The following CTNNA1 variants were observed in gnomAD, a reference collection of about 807,000 sequenced individuals.
CTNNA1 encodes catenin alpha 1.
A neutral mutation model predicts 98.4 loss-of-function variants in CTNNA1; 37 were observed. That is an observed-to-expected ratio of 0.38 (90% confidence interval 0.29 to 0.49). The LOEUF is 0.49. Among genes scored for constraint, CTNNA1 ranks in the 20% least tolerant of loss-of-function variants. The pLI, the probability that CTNNA1 is intolerant of heterozygous loss-of-function variation, is 0.95. For synonymous variants in CTNNA1, 404 were observed against 413.2 expected, an observed-to-expected ratio of 0.98 and a Z score of 0.27; for missense variants, 761 against 1,147.2, an observed-to-expected ratio of 0.66 and a Z score of 4.86.
chr5:138,810,777 C>T (rs1386742581), intron 4 of CTNNA1, among the ~76,000 whole-genome samples: 1 of 152,244 alleles, frequency 6.6e-6, no homozygotes. Context: ...CCATTGTCAT[C>T]ATGGCCCGTT....
intron 3 of CTNNA1, among the ~76,000 whole-genome samples, chr5:138,806,266 G>C (rs1758070254): frequency 6.6e-6 from 1 of 151,024 alleles, no homozygotes; most frequent in South Asian, 2.1e-4. Flanking sequence ...TGGCCTTCTT[G>C]TTTTTGACAG....
At chr5:138,774,355 C>T (rs1335200170) in intron 1 of CTNNA1, among the ~76,000 whole-genome samples, 1 of 151,836 alleles carries the variant, frequency 6.6e-6, no homozygotes, top group Non-Finnish European at 1.5e-5. Context: ...TTTATTTTTG[C>T]ACAGTAAGAC....
In CTNNA1 at chr5:138,768,951, C is replaced by T. The variant is rs368124793; in HGVS notation, c.-2-12972C>T. ...AGCAGGATCTGACATCTAGCAGGATCCCAGAACTGATAATTCGTCAGTCAT... is the reference window on the plus strand; with the variant it reads ...AGCAGGATCTGACATCTAGCAGGATTCCAGAACTGATAATTCGTCAGTCAT... On this transcript the variant is annotated intron_variant, in intron 1 of 17. Coordinates refer to ENST00000302763, the MANE Select transcript of CTNNA1 (RefSeq NM_001903.5). Among the ~76,000 whole-genome samples, 33 of 152,152 alleles carry T rather than the reference C, an allele frequency of 2.2e-4. No individual in the cohort carries two copies. In the East Asian group the frequency reaches 5.6e-3, roughly 26 times the overall value.
rs547582954 is a variant in CTNNA1 at position 138,934,132 on chromosome 5, T to TATC, written c.*45_*47dup. On this transcript the variant is annotated 3_prime_UTR_variant, in exon 18 of 18. Coordinates refer to ENST00000302763, the MANE Select transcript of CTNNA1 (RefSeq NM_001903.5). ...GCCCCCACCCCTCGGGGCTCCTGAA[T>TATC]ATCAGTCACTGTTCGTCACTCAAAT... is the stretch of plus-strand genomic sequence containing the variant. 167 of 1,456,850 alleles carry TATC rather than the reference T, an allele frequency of 1.1e-4. 1 individual carries two copies. In the South Asian group the frequency reaches 1.9e-3, roughly 17 times the overall value. 90.2% of individuals were successfully genotyped at this position (1,456,850 alleles called of 1,614,324 possible). A position where few individuals can be genotyped will look rare whatever the true frequency, so the allele number is the denominator to read the frequency against.
At chr5:138,781,085 G>A (rs1231983091) in intron 1 of CTNNA1, among the ~76,000 whole-genome samples, 1 of 152,190 alleles carries the variant, frequency 6.6e-6, no homozygotes, top group African/African-American at 2.4e-5. Flanking sequence ...AGCTGTGGGT[G>A]CAGAGGGCAG....
chr5:138,795,457 GAAAAAAA>G (rs920167753), intron 3 of CTNNA1, among the ~76,000 whole-genome samples: 13 of 145,940 alleles, frequency 8.9e-5, no homozygotes, highest in Non-Finnish European at 2.0e-4. Flanking sequence ...CTCTGTCTCA[GAAAAAAA>G]AAAGAAAAAA....
chr5:138,756,150 T>C (rs1751625574), intron 1 of CTNNA1, among the ~76,000 whole-genome samples: 1 of 152,008 alleles, frequency 6.6e-6, no homozygotes, highest in Non-Finnish European at 1.5e-5. Flanking sequence ...GCAACTCTCC[T>C]GCCTCAACCT....
intron 11 of CTNNA1, among the ~76,000 whole-genome samples, chr5:138,921,931 A>T (rs1385128217): frequency 1.3e-5 from 2 of 150,222 alleles, no homozygotes; most frequent in African/African-American, 2.4e-5. Context: ...TTTTTTTTTT[A>T]AGCCTACTAT....
intron 10 of CTNNA1, among the ~76,000 whole-genome samples, chr5:138,916,833 G>A (rs184784718): frequency 1.3e-5 from 2 of 151,854 alleles, no homozygotes; most frequent in East Asian, 3.9e-4. Flanking sequence ...GGAGTGCAGT[G>A]GCATGATCTC....
At chr5:138,780,395 G>A (rs1754935766) in intron 1 of CTNNA1, among the ~76,000 whole-genome samples, 1 of 150,406 alleles carries the variant, frequency 6.6e-6, no homozygotes, top group South Asian at 2.1e-4. Context: ...GGGTTTCACC[G>A]TGTTAGGCAG....
chr5:138,834,123 C>T (rs1483533624), intron 7 of CTNNA1, among the ~76,000 whole-genome samples: 2 of 152,178 alleles, frequency 1.3e-5, no homozygotes, highest in Non-Finnish European at 2.9e-5. Flanking sequence ...TTAATCCTTT[C>T]TCAGTTTTGC....
chr5:138,806,504 G>A (rs549519506), intron 3 of CTNNA1, among the ~76,000 whole-genome samples: 61 of 151,964 alleles, frequency 4.0e-4, no homozygotes, highest in African/African-American at 1.4e-3. Flanking sequence ...CCCTGCCTTT[G>A]TAATTTACTA....
intron 9 of CTNNA1, among the ~76,000 whole-genome samples, chr5:138,888,638 C>A (rs938281241): frequency 6.6e-6 from 1 of 152,154 alleles, no homozygotes; most frequent in Non-Finnish European, 1.5e-5. Context: ...ATCTCTGCCT[C>A]CTGGGTTCAA....
At chr5:138,917,371 T>C (rs900896748) in intron 10 of CTNNA1, among the ~76,000 whole-genome samples, 13 of 152,184 alleles carry the variant, frequency 8.5e-5, no homozygotes, top group African/African-American at 2.9e-4. Flanking sequence ...TGGAGAAGCA[T>C]TTAAAGTAAG....
intron 9 of CTNNA1, among the ~76,000 whole-genome samples, chr5:138,891,423 A>G (rs1249303180): frequency 1.3e-5 from 2 of 151,874 alleles, no homozygotes; most frequent in Admixed American, 1.3e-4. Context: ...TCTCCTGTCC[A>G]TGTGCTTGCT....
chr5:138,917,839 G>A lies in CTNNA1; in HGVS notation c.1487G>A (p.Arg496His), dbSNP rs778497800. Residue 496 changes from arginine to histidine, a missense_variant, in exon 11 of 18, where the codon CGT becomes CAT. Arg to His is a conservative substitution (Grantham distance 29). Around this residue, in one of 6 missense-constraint regions of CTNNA1, gnomAD observed 287 missense variants for 436.0 expected, o/e 0.66. Transcript: ENST00000302763. Reference protein sequence around the residue: ...LFKEQWEKQVRVLTDAVDDIT... With the variant: ...LFKEQWEKQVHVLTDAVDDIT... ...AAAGAACAATGGGAAAAACAAGTCCGTGTTCTCACAGATGCTGTCGATGAC... is the reference window on the plus strand; with the variant it reads ...AAAGAACAATGGGAAAAACAAGTCCATGTTCTCACAGATGCTGTCGATGAC... 22 of 1,614,194 alleles carry A rather than the reference G, an allele frequency of 1.4e-5. No individual in the cohort carries two copies. Among genetic ancestry groups the A allele is most frequent in the South Asian group, 5.5e-5 (5 of 91,088 alleles).
At chr5:138,864,002 A>T (rs1381690299) in intron 7 of CTNNA1, among the ~76,000 whole-genome samples, 4 of 152,146 alleles carry the variant, frequency 2.6e-5, no homozygotes. Flanking sequence ...TTGCTCTGTT[A>T]TCTAGGCTGG....
At chr5:138,850,376 G>A (rs1008915565) in intron 7 of CTNNA1, among the ~76,000 whole-genome samples, 1 of 152,084 alleles carries the variant, frequency 6.6e-6, no homozygotes, top group Non-Finnish European at 1.5e-5. Context: ...AATCACTTTG[G>A]CTTCTTTCAT....
chr5:138,872,958 A>G (rs1420146334), intron 7 of CTNNA1: 16 of 1,322,706 alleles, frequency 1.2e-5, no homozygotes, highest in South Asian at 4.4e-5. Flanking sequence ...TTTAGCCTCT[A>G]CTATGTAAAA....
Sources: gnomAD v4.1 joint callset for allele counts (sites outside exome capture counted in the v4.1 genomes callset) on GRCh38, gnomAD v4.1.1 for gene constraint, gnomAD v4.1.1 regional missense constraint, MANE v1.5 for transcripts, NCBI Gene and HGNC (gene_info 2026-07-23, HGNC 2026-07-21) for gene names.